The following GLYR1 variants were observed in gnomAD, a reference collection of about 807,000 sequenced individuals.
The protein encoded by GLYR1 is glyoxylate reductase 1 homolog, also known as cytokine-like nuclear factor N-PAC.
Under a neutral mutation model 72.7 loss-of-function variants are expected in GLYR1, and 21 were observed. That is an observed-to-expected ratio of 0.29 (90% CI 0.20 to 0.42). The LOEUF is 0.42. Among genes scored for constraint, GLYR1 ranks in the 10% least tolerant of loss-of-function variants. The pLI is 1.00. For missense variants in GLYR1, 594 were observed against 712.1 expected (o/e 0.83, Z 1.89); for synonymous variants, 392 against 270.2 (o/e 1.45, Z -4.42).
chr16:4,805,195 C>A lies in GLYR1; in HGVS notation c.*41G>T, dbSNP rs754360442. The A allele has an allele frequency of 8.3e-6, 13 of 1,562,310 alleles. No individual in the cohort carries two copies. Among genetic ancestry groups the A allele is most frequent in the Non-Finnish European group, 1.1e-5 (12 of 1,134,696 alleles). ...CGACCCCATGTGAGGAAGAGGGGGTCAGAGGGGGGATTGGAGGGGTGAGGG... is the reference window on the plus strand; with the variant it reads ...CGACCCCATGTGAGGAAGAGGGGGTAAGAGGGGGGATTGGAGGGGTGAGGG... On this transcript the variant is annotated 3_prime_UTR_variant, in exon 16 of 16. Transcript: ENST00000321919.
chr16:4,817,525 C>A lies in GLYR1; in HGVS notation c.906+73G>T. The A allele has an allele frequency of 5.7e-6, 5 of 880,460 alleles. No homozygotes were observed. In the Admixed American group the frequency reaches 7.4e-5, roughly 13 times the overall value. The allele number at this position is 880,460 out of a possible 1,614,324, so 54.5% of individuals were successfully genotyped here. A position where few individuals can be genotyped will look rare whatever the true frequency, so the allele number is the denominator to read the frequency against. On this transcript the variant is annotated intron_variant, in intron 10 of 15. Transcript: ENST00000321919. ...TATTGCACGCAGAACGCTGAGACAA[C>A]AGGGGGAGATGTCCACTCTTAGGGT...
In GLYR1 at chr16:4,804,740, C is replaced by T. The variant is rs1000190972; in HGVS notation, c.*496G>A. On this transcript the variant is annotated 3_prime_UTR_variant, in exon 16 of 16. Coordinates refer to ENST00000321919, the MANE Select transcript of GLYR1 (RefSeq NM_032569.4). ...ACTGGCTCATCTGGGCCCAAGGCCT[C>T]TCCTTGTAGGGAATCCAGTGGGGGA... The T allele has an allele frequency of 1.1e-4, 20 of 178,910 alleles. No individual in the cohort carries two copies. The highest frequency in any genetic ancestry group is 2.4e-5 in the Non-Finnish European group (2 of 82,124). 11.1% of individuals were successfully genotyped at this position (178,910 alleles called of 1,614,324 possible).
rs779951611 is a variant in GLYR1 at position 4,817,673 on chromosome 16, G to A, written c.831C>T (p.Leu277=). 9 of 1,612,766 alleles carry A rather than the reference G, an allele frequency of 5.6e-6. No individual in the cohort carries two copies. The African/African-American group carries it at 1.2e-4, about 22-fold the overall frequency. ...AGTTGGAGACGATTCCACTTCCCAT[G>A]AGACCAAGGCCCAAAAATCCTATCC... ...DKKIGFLGLG[L]MGSGIVSNLL... The change falls in exon 10 of 16, where the codon CTC becomes CTT. Residue 277 remains leucine (L), a synonymous_variant. Coordinates refer to ENST00000321919, the MANE Select transcript of GLYR1 (RefSeq NM_032569.4).
At position 4,829,696 on chromosome 16, in the gene GLYR1, G is replaced by A. The variant is rs768494560; in HGVS notation, c.537+2283C>T. 1.3e-4 allele frequency among the ~76,000 whole-genome samples: 19 copies of A among 144,224 alleles called. 1 individual carries two copies. The highest frequency in any genetic ancestry group is 4.5e-4 in the South Asian group (2 of 4,460). The allele number at this position is 144,224 out of a possible 152,430, so 94.6% of individuals were successfully genotyped here. ...TTAAATTTTTTTTTTTCTTTGAGACGGAGTCTCACTCTGTCGCCCAGGCTG... is the reference window on the plus strand; with the variant it reads ...TTAAATTTTTTTTTTTCTTTGAGACAGAGTCTCACTCTGTCGCCCAGGCTG... On this transcript the variant is annotated intron_variant, in intron 5 of 15. Transcript: ENST00000321919.
intron 10 of GLYR1, among the ~76,000 whole-genome samples, chr16:4,817,137 T>A (rs1567688078): frequency 1.3e-5 from 2 of 151,412 alleles, no homozygotes; most frequent in Admixed American, 6.6e-5. Context: ...TTTTTTTTTT[T>A]GAGACGGAGT....
At chr16:4,830,054 C>G (rs2084689469) in intron 5 of GLYR1, among the ~76,000 whole-genome samples, 1 of 151,398 alleles carries the variant, frequency 6.6e-6, no homozygotes, top group African/African-American at 2.4e-5. Flanking sequence ...TCCTCCTGCA[C>G]TGGCCTCCCA....
At chr16:4,835,228 G>T (rs9925944) in intron 3 of GLYR1, among the ~76,000 whole-genome samples, 44 of 151,846 alleles carry the variant, frequency 2.9e-4, no homozygotes, top group African/African-American at 1.1e-3. Context: ...CAGCCTCACA[G>T]GAACCCGATT....
At chr16:4,827,157 A>G (rs1225868283) in intron 5 of GLYR1, among the ~76,000 whole-genome samples, 1 of 152,134 alleles carries the variant, frequency 6.6e-6, no homozygotes, top group Non-Finnish European at 1.5e-5. Flanking sequence ...ATTAATCCTC[A>G]CGGGGCAGGA....
chr16:4,843,379 T>A (rs2085705788), intron 3 of GLYR1: 1 of 833,648 alleles, frequency 1.2e-6, no homozygotes, highest in Non-Finnish European at 1.6e-6. Flanking sequence ...GGTCTCGAAC[T>A]CATGACCTCC....
chr16:4,847,162 G>A (rs1379401000), intron 1 of GLYR1, 66 bp downstream of exon 1: 10 of 1,479,370 alleles, frequency 6.8e-6, no homozygotes, highest in Non-Finnish European at 9.3e-6. Context: ...AGGGCCGGCA[G>A]CGAACCCCGC....
intron 10 of GLYR1, among the ~76,000 whole-genome samples, chr16:4,815,265 TGA>T (rs1213397054): frequency 6.6e-6 from 1 of 151,758 alleles, no homozygotes; most frequent in African/African-American, 2.4e-5. Flanking sequence ...GCCCCATGTG[TGA>T]TTTTTTTTTT....
At chr16:4,822,341 C>G (rs1267995897) in intron 7 of GLYR1, among the ~76,000 whole-genome samples, 2 of 151,944 alleles carry the variant, frequency 1.3e-5, no homozygotes, top group Admixed American at 6.6e-5. Context: ...CCCGCCTTGG[C>G]CTCCCAAAGT....
chr16:4,805,959 T>G (rs2082944148), intron 15 of GLYR1, among the ~76,000 whole-genome samples: 1 of 152,128 alleles, frequency 6.6e-6, no homozygotes, highest in Admixed American at 6.5e-5. Context: ...CCAGTCTGGG[T>G]GACAGAGCGA....
At chr16:4,847,083 C>T in intron 1 of GLYR1, 145 bp downstream of exon 1, 1 of 762,288 alleles carries the variant, frequency 1.3e-6, no homozygotes, top group African/African-American at 1.8e-5. Context: ...CCGCCTGGCG[C>T]CGCTCGCAAG....
chr16:4,825,733 CCT>C (rs2084340705), intron 5 of GLYR1, among the ~76,000 whole-genome samples: 2 of 151,954 alleles, frequency 1.3e-5, no homozygotes, highest in Non-Finnish European at 2.9e-5. Flanking sequence ...CTCACTGCAA[CCT>C]CTGTCTCCTG....
intron 5 of GLYR1, among the ~76,000 whole-genome samples, chr16:4,826,979 G>A (rs2084421831): frequency 6.6e-6 from 1 of 152,194 alleles, no homozygotes; most frequent in Admixed American, 6.5e-5. Context: ...GGGATTTTGG[G>A]AGAGTCACAG....
At chr16:4,847,029 G>C in intron 1 of GLYR1, 199 bp downstream of exon 1, 1 of 566,758 alleles carries the variant, frequency 1.8e-6, no homozygotes, top group Non-Finnish European at 3.1e-6. Context: ...GGTGCCCGAC[G>C]TGGCCACCCT....
In GLYR1 at chr16:4,845,280, A is replaced by G. The variant is rs180755560; in HGVS notation, c.76-127T>C. ...AAATTAAAAGGACTTACTTACAAAT[A>G]AATTTATTTATATACAAAACAGAAC... On this transcript the variant is annotated intron_variant, in intron 2 of 15. Coordinates refer to ENST00000321919, the MANE Select transcript of GLYR1 (RefSeq NM_032569.4). The G allele has an allele frequency of 1.4e-4, 88 of 643,826 alleles. No individual in the cohort carries two copies. The African/African-American group carries it at 1.5e-3, about 11-fold the overall frequency. 39.9% of individuals were successfully genotyped at this position (643,826 alleles called of 1,614,324 possible).
At chr16:4,835,674 T>C (rs1861225477) in intron 3 of GLYR1, among the ~76,000 whole-genome samples, 1 of 151,962 alleles carries the variant, frequency 6.6e-6, no homozygotes, top group African/African-American at 2.4e-5. Context: ...CTACTGAAAA[T>C]ATAAAAATTA....
Sources: gnomAD v4.1 joint callset for allele counts (sites outside exome capture counted in the v4.1 genomes callset) on GRCh38, gnomAD v4.1.1 for gene constraint, MANE v1.5 for transcripts, NCBI Gene and HGNC (gene_info 2026-07-23, HGNC 2026-07-21) for gene names.